Variants in PALLD observed in about 807,000 individuals in gnomAD.
PALLD encodes the protein palladin, cytoskeletal associated protein, also known as palladin.
PALLD carries 61 observed loss-of-function variants against 123.5 expected under a neutral mutation model. The ratio of observed to expected loss-of-function variants is 0.49; its 90% CI spans 0.40 to 0.61. PALLD has a LOEUF of 0.61. PALLD is among the 20% of genes least tolerant of loss of function. The probability of loss-of-function intolerance (pLI) is 0.00; values close to 1 mark genes in which losing one functional copy is unlikely to be tolerated. For missense variants in PALLD, 1,273 were observed against 1,377.0 expected, an observed-to-expected ratio of 0.92 and a Z score of 1.20; for synonymous variants, 465 against 496.4, an observed-to-expected ratio of 0.94 and a Z score of 0.84.
chr4:168,810,008 G>C (rs1740840524), intron 10 of PALLD, among the ~76,000 whole-genome samples: 1 of 152,018 alleles, frequency 6.6e-6, no homozygotes, highest in Admixed American at 6.6e-5. Flanking sequence ...CTCTGAGGAA[G>C]ACAGGGCTCA....
At chr4:168,672,760 G>A (rs981954986) in intron 3 of PALLD, among the ~76,000 whole-genome samples, 1 of 152,086 alleles carries the variant, frequency 6.6e-6, no homozygotes, top group South Asian at 2.1e-4. Context: ...GCCCGGCCAA[G>A]ATGAACTTTT....
Position 168,924,969 on chromosome 4 carries a change from C to T in PALLD, c.3249C>T (p.Tyr1083=). The T allele has an allele frequency of 6.2e-7, 1 of 1,614,152 alleles. No homozygotes were observed. Among genetic ancestry groups the T allele is most frequent in the Non-Finnish European group, 8.5e-7 (1 of 1,179,998 alleles). The change falls in exon 20 of 22, where the codon TAC becomes TAT. Residue 1083 remains tyrosine (Y), a synonymous_variant. Coordinates refer to ENST00000505667, the MANE Select transcript of PALLD (RefSeq NM_001166108.2). Reference sequence around the variant, plus strand: ...GCATGCACCAGGACAACCACGGCTACATCTGCCTGCTCATTCAGGGAGCCA... The same window carrying T: ...GCATGCACCAGGACAACCACGGCTATATCTGCCTGCTCATTCAGGGAGCCA... ...RVSMHQDNHG[Y]ICLLIQGATK... is the part of the protein sequence containing the mutation.
At chr4:168,722,899 G>A (rs991584122) in intron 10 of PALLD, among the ~76,000 whole-genome samples, 1 of 152,158 alleles carries the variant, frequency 6.6e-6, no homozygotes, top group African/African-American at 2.4e-5. Context: ...GGCTTGAGGG[G>A]AAAAGAGAAA....
intron 2 of PALLD, among the ~76,000 whole-genome samples, chr4:168,642,654 G>C (rs1777077701): frequency 6.6e-6 from 1 of 152,202 alleles, no homozygotes; most frequent in African/African-American, 2.4e-5. Flanking sequence ...CACCCGCCTT[G>C]GTCTCCCAAA....
intron 10 of PALLD, among the ~76,000 whole-genome samples, chr4:168,841,100 C>T (rs1310160398): frequency 6.6e-6 from 1 of 152,158 alleles, no homozygotes; most frequent in Non-Finnish European, 1.5e-5. Flanking sequence ...CCTCCTGCCT[C>T]GGTCTCCCAA....
chr4:168,887,416 A>G (rs958311461), intron 10 of PALLD, among the ~76,000 whole-genome samples: 1 of 152,202 alleles, frequency 6.6e-6, no homozygotes, highest in Non-Finnish European at 1.5e-5. Flanking sequence ...TCCGATTGAG[A>G]TGACCTGTTC....
intron 10 of PALLD, among the ~76,000 whole-genome samples, chr4:168,839,436 A>C (rs114094188): frequency 0.012 from 1,786 of 152,252 alleles, 38 homozygotes; most frequent in African/African-American, 0.041. Context: ...GAAACGGGAA[A>C]GCTACTTGCG....
At chr4:168,714,104 T>C (rs10007200) in intron 10 of PALLD, among the ~76,000 whole-genome samples, 6,765 of 151,996 alleles carry the variant, frequency 0.045, 509 homozygotes, top group East Asian at 0.34. Flanking sequence ...TTTTAAATTT[T>C]CTTATGATTT....
chr4:168,526,468 C>A (rs1430793851), intron 2 of PALLD, among the ~76,000 whole-genome samples: 1 of 152,102 alleles, frequency 6.6e-6, no homozygotes, highest in Non-Finnish European at 1.5e-5. Context: ...GAGTTGGGTT[C>A]ATCTTCTCTC....
chr4:168,896,472 T>G (rs1755197317), intron 12 of PALLD, 77 bp from the exon 13 acceptor site: 3 of 879,640 alleles, frequency 3.4e-6, no homozygotes, highest in Non-Finnish European at 1.8e-6. Flanking sequence ...AAGTTTCACT[T>G]AAGGAAAATT....
chr4:168,541,936 A>T (rs1208159713), intron 2 of PALLD, among the ~76,000 whole-genome samples: 1 of 152,228 alleles, frequency 6.6e-6, no homozygotes, highest in African/African-American at 2.4e-5. Context: ...TGAACAAAAG[A>T]GACAAAAATG....
chr4:168,498,422 T>C (rs1234819287), intron 1 of PALLD, among the ~76,000 whole-genome samples: 1 of 152,204 alleles, frequency 6.6e-6, no homozygotes, highest in Non-Finnish European at 1.5e-5. Context: ...ACTGGACAAG[T>C]ACAATCACTT....
chr4:168,588,697 C>T (rs961842126), intron 2 of PALLD, among the ~76,000 whole-genome samples: 3 of 152,128 alleles, frequency 2.0e-5, no homozygotes, highest in Non-Finnish European at 4.4e-5. Context: ...TGTGACCTAC[C>T]GTGCCTGGCT....
At position 168,573,922 on chromosome 4, in the gene PALLD, C is replaced by A. The variant is rs575078809; in HGVS notation, c.908+61510C>A. ...GTTTGAATCTTAATTAAAGAGAAAA[C>A]AACTTCTGGGAAGCAGCTTTTTTTT... On this transcript the variant is annotated intron_variant, in intron 2 of 21. Transcript: ENST00000505667. Among the ~76,000 whole-genome samples the A allele has an allele frequency of 2.0e-5, 3 of 151,494 alleles. No homozygotes were observed. The South Asian group carries it at 6.3e-4, about 32-fold the overall frequency.
intron 8 of PALLD, among the ~76,000 whole-genome samples, chr4:168,708,370 T>C (rs976508276): frequency 2.6e-5 from 4 of 152,150 alleles, no homozygotes; most frequent in African/African-American, 9.7e-5. Context: ...GCTTCTATTA[T>C]TGTCTCCATT....
intron 2 of PALLD, among the ~76,000 whole-genome samples, chr4:168,570,054 G>C (rs906124867): frequency 6.6e-6 from 1 of 152,010 alleles, no homozygotes; most frequent in Non-Finnish European, 1.5e-5. Context: ...AATGTATATC[G>C]TTGTAATTCA....
At chr4:168,845,380 G>C (rs1031718315) in intron 10 of PALLD, among the ~76,000 whole-genome samples, 3 of 151,948 alleles carry the variant, frequency 2.0e-5, no homozygotes, top group Non-Finnish European at 4.4e-5. Flanking sequence ...GGATCCCTGG[G>C]TTCCACATTC....
At position 168,683,104 on chromosome 4, in the gene PALLD, G is replaced by C; in HGVS notation, c.1260+1G>C. The C allele has an allele frequency of 6.3e-7, 1 of 1,581,602 alleles. No homozygotes were observed. The highest frequency in any genetic ancestry group is 8.7e-7 in the Non-Finnish European group (1 of 1,150,762). ...ACCACTGTCTGTCCCTGTGCAACAG[G>C]TAAGTATGCTTTGAGCCAGAGCCCA... On this transcript the variant is annotated splice_donor_variant, in intron 5 of 21. Transcript: ENST00000505667. LOFTEE classifies it high-confidence loss of function.
intron 2 of PALLD, among the ~76,000 whole-genome samples, chr4:168,552,177 T>C (rs1427156366): frequency 6.6e-6 from 1 of 152,142 alleles, no homozygotes; most frequent in Non-Finnish European, 1.5e-5. Flanking sequence ...GTGAGGAGTT[T>C]GTATTTGACA....
Sources: gnomAD v4.1 joint callset for allele counts (sites outside exome capture counted in the v4.1 genomes callset) on GRCh38, gnomAD v4.1.1 for gene constraint, MANE v1.5 for transcripts, NCBI Gene and HGNC (gene_info 2026-07-23, HGNC 2026-07-21) for gene names.